PCDH9: variants seen among roughly 807,000 people sequenced by gnomAD.
PCDH9 encodes protocadherin 9.
In PCDH9, 24 loss-of-function variants were observed where a neutral mutation model predicts 70.6. The observed-to-expected ratio is 0.34, with a 90% confidence interval of 0.25 to 0.48. The LOEUF is 0.48. Among genes scored for constraint, PCDH9 ranks in the 20% least tolerant of loss-of-function variants. The probability of loss-of-function intolerance (pLI) is 0.99; values close to 1 mark genes in which losing one functional copy is unlikely to be tolerated. For missense variants in PCDH9, 1,281 were observed against 1,503.6 expected (o/e 0.85, Z 2.45); for synonymous variants, 562 against 558.5 (o/e 1.01, Z -0.09).
At chr13:66,969,401 T>C (rs1305443057) in intron 2 of PCDH9, among the ~76,000 whole-genome samples, 8 of 151,990 alleles carry the variant, frequency 5.3e-5, no homozygotes, top group African/African-American at 1.9e-4. Context: ...CCCATTGTTA[T>C]ATTCAGCAGC....
At chr13:66,914,686 G>A (rs1012089109) in intron 2 of PCDH9, among the ~76,000 whole-genome samples, 7 of 151,856 alleles carry the variant, frequency 4.6e-5, no homozygotes, top group East Asian at 1.9e-4. Flanking sequence ...TCAAATAAAC[G>A]CATACATGCA....
At chr13:66,776,541 A>G (rs528290279) in intron 3 of PCDH9, among the ~76,000 whole-genome samples, 183 of 152,028 alleles carry the variant, frequency 1.2e-3, no homozygotes, top group Admixed American at 2.3e-3. Context: ...TGCTTCAAAG[A>G]GAATAAAATA....
At chr13:66,473,378 TA>T (rs1250132292) in intron 4 of PCDH9, among the ~76,000 whole-genome samples, 1 of 146,834 alleles carries the variant, frequency 6.8e-6, no homozygotes, top group Non-Finnish European at 1.5e-5. Context: ...ACAATAAAGC[TA>T]TATGTTTTTT....
At chr13:66,589,363 T>C (rs1413142336) in intron 4 of PCDH9, among the ~76,000 whole-genome samples, 1 of 152,048 alleles carries the variant, frequency 6.6e-6, no homozygotes, top group Non-Finnish European at 1.5e-5. Flanking sequence ...TTTAGTTTAA[T>C]ATAGCTTGAA....
chr13:67,043,810 A>G (rs376224902), intron 2 of PCDH9, among the ~76,000 whole-genome samples: 14 of 152,268 alleles, frequency 9.2e-5, no homozygotes, highest in African/African-American at 2.6e-4. Flanking sequence ...TTCCAGTACA[A>G]TAATCATGAT....
At chr13:66,570,538 G>A (rs968949511) in intron 4 of PCDH9, among the ~76,000 whole-genome samples, 2 of 152,100 alleles carry the variant, frequency 1.3e-5, no homozygotes, top group African/African-American at 4.8e-5. Flanking sequence ...GTGTAAACTA[G>A]GAAAAGTGGA....
chr13:66,499,693 A>T (rs1394415127), intron 4 of PCDH9, among the ~76,000 whole-genome samples: 1 of 152,238 alleles, frequency 6.6e-6, no homozygotes, highest in Non-Finnish European at 1.5e-5. Context: ...ACAAAAGTTA[A>T]TCAACTGATA....
At chr13:66,746,783 C>G (rs936733560) in intron 3 of PCDH9, among the ~76,000 whole-genome samples, 1 of 151,852 alleles carries the variant, frequency 6.6e-6, no homozygotes, top group African/African-American at 2.4e-5. Flanking sequence ...AAAACCAGAA[C>G]AAGATTAAAT....
intron 3 of PCDH9, among the ~76,000 whole-genome samples, chr13:66,807,964 G>T (rs1333892495): frequency 6.6e-6 from 1 of 152,162 alleles, no homozygotes; most frequent in African/African-American, 2.4e-5. Context: ...GGGTGGTTGA[G>T]TGTTATGGGG....
At chr13:67,086,928 C>T (rs1015112800) in intron 2 of PCDH9, among the ~76,000 whole-genome samples, 1 of 152,032 alleles carries the variant, frequency 6.6e-6, no homozygotes, top group Non-Finnish European at 1.5e-5. Flanking sequence ...AAGGCAAGCA[C>T]TGTTTAAACT....
chr13:66,415,261 G>A (rs1957442483), intron 4 of PCDH9, among the ~76,000 whole-genome samples: 1 of 151,978 alleles, frequency 6.6e-6, no homozygotes, highest in Non-Finnish European at 1.5e-5. Flanking sequence ...GTATACTTTT[G>A]TTATTCAAAA....
At chr13:67,006,273 T>C (rs1282095010) in intron 2 of PCDH9, among the ~76,000 whole-genome samples, 2 of 152,074 alleles carry the variant, frequency 1.3e-5, no homozygotes, top group African/African-American at 4.8e-5. Flanking sequence ...AGGAGAAATA[T>C]TGTTATAACA....
intron 3 of PCDH9, among the ~76,000 whole-genome samples, chr13:66,701,166 T>C (rs7988071): frequency 0.44 from 66,002 of 150,794 alleles, 14,501 homozygotes; most frequent in South Asian, 0.46. Context: ...AGGAAGAGCA[T>C]CAGACTTTAT....
At position 66,800,416 on chromosome 13, in the gene PCDH9, A is replaced by AT. The variant is rs895344776; in HGVS notation, c.3138+103087dup. On this transcript the variant is annotated intron_variant, in intron 3 of 4. Transcript: ENST00000377865. ...TAGCAATCATTTTGCACTTCATTCT[A>AT]TTTTTTTATCACTACCTGAAAATAT... 4.6e-5 allele frequency among the ~76,000 whole-genome samples: 7 copies of AT among 151,900 alleles called. No homozygotes were observed. The East Asian group carries it at 5.8e-4, about 13-fold the overall frequency.
chr13:66,324,479 C>T (rs1282908923), intron 4 of PCDH9, among the ~76,000 whole-genome samples: 1 of 151,886 alleles, frequency 6.6e-6, no homozygotes, highest in Non-Finnish European at 1.5e-5. Context: ...GCTTCTAATT[C>T]CAAAAACAAG....
chr13:66,498,355 G>A (rs1959150859), intron 4 of PCDH9, among the ~76,000 whole-genome samples: 2 of 152,026 alleles, frequency 1.3e-5, no homozygotes, highest in South Asian at 4.1e-4. Flanking sequence ...GTGTTAGCCA[G>A]GAGCACTCTT....
chr13:67,053,335 T>C (rs1400409295), intron 2 of PCDH9, among the ~76,000 whole-genome samples: 1 of 152,110 alleles, frequency 6.6e-6, no homozygotes, highest in Non-Finnish European at 1.5e-5. Flanking sequence ...AGCATAAGGA[T>C]ATGAAAGCCA....
At chr13:66,681,372 T>C (rs2078316941) in intron 3 of PCDH9, among the ~76,000 whole-genome samples, 1 of 152,116 alleles carries the variant, frequency 6.6e-6, no homozygotes, top group South Asian at 2.1e-4. Flanking sequence ...ATTGAAAAAC[T>C]AACTTGACCT....
intron 4 of PCDH9, among the ~76,000 whole-genome samples, chr13:66,457,470 A>C (rs1958339938): frequency 6.6e-6 from 1 of 152,060 alleles, no homozygotes; most frequent in African/African-American, 2.4e-5. Flanking sequence ...GGAAACCTAC[A>C]AATAGAAAGG....
Sources: allele counts gnomAD v4.1 joint callset (sites outside exome capture counted in the v4.1 genomes callset), GRCh38; gene constraint gnomAD v4.1.1; transcripts MANE v1.5; gene names NCBI Gene and HGNC (gene_info 2026-07-23, HGNC 2026-07-21).